Variants in DRGX observed in about 807,000 individuals in gnomAD.
DRGX encodes the protein dorsal root ganglia homeobox protein.
DRGX carries 21 observed loss-of-function variants against 28.6 expected under a neutral mutation model. The ratio of observed to expected loss-of-function variants is 0.73; its 90% confidence interval spans 0.52 to 1.06. The LOEUF is 1.06. DRGX is among the 50% of genes least tolerant of loss of function. The pLI, the probability that DRGX is intolerant of heterozygous loss-of-function variation, is 0.00. For synonymous variants in DRGX, 136 were observed against 139.1 expected (o/e 0.98, Z 0.16); for missense variants, 354 against 343.9 (o/e 1.03, Z -0.23).
At chr10:49,367,465 G>C (rs1849613236) in intron 6 of DRGX, among the ~76,000 whole-genome samples, 1 of 152,166 alleles carries the variant, frequency 6.6e-6, no homozygotes, top group African/African-American at 2.4e-5. Context: ...CTACTAAGTT[G>C]TCAGGACATA....
chr10:49,393,273 C>A (rs551061890), intron 2 of DRGX, among the ~76,000 whole-genome samples: 1 of 152,184 alleles, frequency 6.6e-6, no homozygotes, highest in East Asian at 1.9e-4. Context: ...GTAAAAAAAG[C>A]AAAGTACAGA....
intron 6 of DRGX, among the ~76,000 whole-genome samples, chr10:49,368,722 C>T (rs1442313987): frequency 6.6e-6 from 1 of 152,228 alleles, no homozygotes; most frequent in South Asian, 2.1e-4. Flanking sequence ...GGTGGTCCCC[C>T]TTGGAGAGGG....
rs1021585819 is a variant in DRGX, at chr10:49,364,945, C to T, written c.*1171G>A. On this transcript the variant is annotated 3_prime_UTR_variant, in exon 7 of 7. Coordinates refer to ENST00000374139, the MANE Select transcript of DRGX (RefSeq NM_001276451.2). ...GCGCCCCTGCCAGAAAGCGGCAGAGCTTATGCTATTGCACGTTCCCCTTGG... is the reference window on the plus strand; with the variant it reads ...GCGCCCCTGCCAGAAAGCGGCAGAGTTTATGCTATTGCACGTTCCCCTTGG... 1 of 152,256 alleles carries T rather than the reference C, an allele frequency of 6.6e-6. No homozygotes were observed. Among genetic ancestry groups the T allele is most frequent in the African/African-American group, 2.4e-5 (1 of 41,464 alleles). The allele number at this position is 152,256 out of a possible 1,614,324, so 9.4% of individuals were successfully genotyped here. A position where few individuals can be genotyped will look rare whatever the true frequency, so the allele number is the denominator to read the frequency against.
chr10:49,374,841 A>C (rs1398827610), intron 6 of DRGX, among the ~76,000 whole-genome samples: 1 of 152,236 alleles, frequency 6.6e-6, no homozygotes, highest in Admixed American at 6.5e-5. Context: ...GAGCTCTCAC[A>C]CACGGTTTTC....
intron 4 of DRGX, 25 bp from the exon 5 acceptor site, chr10:49,386,883 C>T (rs376428371): frequency 3.9e-6 from 6 of 1,519,556 alleles, no homozygotes; most frequent in African/African-American, 1.4e-5. Flanking sequence ...GAAACATACA[C>T]CCAGTGAAAA....
chr10:49,395,597 G>T (rs887581725), intron 1 of DRGX, 76 bp from the exon 2 acceptor site: 57 of 854,468 alleles, frequency 6.7e-5, no homozygotes, highest in Non-Finnish European at 9.9e-5. Flanking sequence ...CGCACCCGGC[G>T]CTCCCCTCCT....
intron 6 of DRGX, among the ~76,000 whole-genome samples, chr10:49,368,188 G>T (rs1313947573): frequency 1.3e-5 from 2 of 152,164 alleles, no homozygotes; most frequent in Non-Finnish European, 2.9e-5. Context: ...CCCCTCTCCA[G>T]GTAAGAAAAC....
chr10:49,395,815 C>G (rs376959228), intron 1 of DRGX, 120 bp downstream of exon 1: 479 of 303,044 alleles, frequency 1.6e-3, no homozygotes, highest in African/African-American at 9.8e-3. Context: ...CCCGGGCCAC[C>G]GCAGCCAGGT....
At chr10:49,389,980 A>C (rs1429533591) in intron 4 of DRGX, among the ~76,000 whole-genome samples, 153 bp downstream of exon 4, 1 of 152,174 alleles carries the variant, frequency 6.6e-6, no homozygotes, top group Non-Finnish European at 1.5e-5. Flanking sequence ...CTAATATTCC[A>C]CATTATGTTG....
intron 2 of DRGX, 98 bp from the exon 3 acceptor site, chr10:49,391,359 C>G (rs899342256): frequency 2.3e-5 from 20 of 881,342 alleles, no homozygotes; most frequent in Non-Finnish European, 2.9e-5. Context: ...ACCCACCAGA[C>G]AGGAAGCCCT....
chr10:49,375,881 G>C (rs1849711409), intron 6 of DRGX, among the ~76,000 whole-genome samples: 1 of 152,136 alleles, frequency 6.6e-6, no homozygotes, highest in African/African-American at 2.4e-5. Context: ...GCATGGGCAG[G>C]CTGCTTCTCC....
chr10:49,368,842 T>C (rs1008099955), intron 6 of DRGX, among the ~76,000 whole-genome samples: 1 of 152,230 alleles, frequency 6.6e-6, no homozygotes, highest in African/African-American at 2.4e-5. Flanking sequence ...TAATTTTAAA[T>C]GAATGTTAAA....
chr10:49,367,277 C>G (rs759088084), intron 6 of DRGX, among the ~76,000 whole-genome samples: 1 of 152,108 alleles, frequency 6.6e-6, no homozygotes, highest in Non-Finnish European at 1.5e-5. Context: ...GCAGGAAGAT[C>G]ACTTGAGCCC....
intron 6 of DRGX, among the ~76,000 whole-genome samples, chr10:49,384,416 A>G (rs557046016): frequency 6.6e-6 from 1 of 152,208 alleles, no homozygotes; most frequent in South Asian, 2.1e-4. Flanking sequence ...AGACACATCC[A>G]AGTTTGATGA....
At position 49,370,938 on chromosome 10, in the gene DRGX, C is replaced by T. The variant is rs577301706; in HGVS notation, c.527-4557G>A. 2.6e-4 allele frequency among the ~76,000 whole-genome samples: 40 copies of T among 152,286 alleles called. 1 individual carries two copies. The South Asian group carries it at 8.3e-3, about 32-fold the overall frequency. ...CTGCAGAAAAAGGGAGGGTAAAGTC[C>T]TTCTCTCTTGTGTGATGGTCACACC... On this transcript the variant is annotated intron_variant, in intron 6 of 6. Transcript: ENST00000374139.
intron 6 of DRGX, among the ~76,000 whole-genome samples, chr10:49,372,198 G>A (rs979129962): frequency 4.6e-5 from 7 of 152,198 alleles, no homozygotes; most frequent in South Asian, 2.1e-4. Flanking sequence ...TGAGTTGGCC[G>A]TGAGAGGAGC....
chr10:49,392,290 A>G (rs1849914860), intron 2 of DRGX, among the ~76,000 whole-genome samples: 2 of 152,238 alleles, frequency 1.3e-5, no homozygotes, highest in South Asian at 4.1e-4. Flanking sequence ...TCAAAGATTG[A>G]AAGTCCTTTG....
At chr10:49,376,846 C>G (rs1849722563) in intron 6 of DRGX, among the ~76,000 whole-genome samples, 2 of 152,184 alleles carry the variant, frequency 1.3e-5, no homozygotes, top group Non-Finnish European at 2.9e-5. Context: ...GAGAAACTTC[C>G]TCCCTCCTCT....
At chr10:49,369,511 T>C (rs1265198512) in intron 6 of DRGX, among the ~76,000 whole-genome samples, 1 of 152,022 alleles carries the variant, frequency 6.6e-6, no homozygotes, top group Non-Finnish European at 1.5e-5. Context: ...AAAGAACAAA[T>C]CCTGCAGGAG....
Sources: allele counts gnomAD v4.1 joint callset (sites outside exome capture counted in the v4.1 genomes callset), GRCh38; gene constraint gnomAD v4.1.1; transcripts MANE v1.5; gene names NCBI Gene and HGNC (gene_info 2026-07-23, HGNC 2026-07-21).